Variants in EPC2 observed in about 807,000 individuals in gnomAD.
EPC2 encodes enhancer of polycomb homolog 2.
EPC2 carries 14 observed loss-of-function variants against 92.1 expected under a neutral mutation model. The observed-to-expected ratio is 0.15, with a 90% CI of 0.10 to 0.24. EPC2 has a LOEUF of 0.24. EPC2 is among the 10% of genes least tolerant of loss of function. The probability of loss-of-function intolerance (pLI) is 1.00; values close to 1 mark genes in which losing one functional copy is unlikely to be tolerated. For missense variants in EPC2, 755 were observed against 971.5 expected, an observed-to-expected ratio of 0.78 and a Z score of 2.96; for synonymous variants, 340 against 334.7, an observed-to-expected ratio of 1.02 and a Z score of -0.17.
chr2:148,759,515 A>ATAAAG (rs1683259969), intron 4 of EPC2, among the ~76,000 whole-genome samples: 1 of 152,252 alleles, frequency 6.6e-6, no homozygotes, highest in South Asian at 2.1e-4. Context: ...GTTTATATGT[A>ATAAAG]TAAAGAAATT....
chr2:148,650,965 T>G (rs1294942186), intron 1 of EPC2, among the ~76,000 whole-genome samples: 1 of 152,168 alleles, frequency 6.6e-6, no homozygotes, highest in African/African-American at 2.4e-5. Context: ...TCATAGAACT[T>G]AAATGAACCA....
At chr2:148,665,907 A>G (rs570586046) in intron 1 of EPC2, among the ~76,000 whole-genome samples, 41 of 152,304 alleles carry the variant, frequency 2.7e-4, no homozygotes, top group African/African-American at 9.6e-4. Context: ...TAGGTGATAA[A>G]TGTCTTTAAA....
At chr2:148,671,287 A>ATTTTTTTTTTTTTTTTTTTTTTTT (rs60048357) in intron 1 of EPC2, among the ~76,000 whole-genome samples, 1 of 127,092 alleles carries the variant, frequency 7.9e-6, no homozygotes, top group Non-Finnish European at 1.7e-5. Flanking sequence ...GTGGATTGTG[A>ATTTTTTTTTTTTTTTTTTTTTTTT]TTTTTTTTTT....
intron 4 of EPC2, among the ~76,000 whole-genome samples, chr2:148,757,003 C>G (rs1683202405): frequency 6.6e-6 from 1 of 152,086 alleles, no homozygotes; most frequent in South Asian, 2.1e-4. Flanking sequence ...GTAAAGGGGG[C>G]AAGTGGATTT....
intron 11 of EPC2, among the ~76,000 whole-genome samples, chr2:148,783,245 C>G (rs1351319328): frequency 6.6e-6 from 1 of 152,210 alleles, no homozygotes; most frequent in Admixed American, 6.5e-5. Context: ...TAGGTTTTCA[C>G]ATTGTGACAA....
intron 2 of EPC2, among the ~76,000 whole-genome samples, chr2:148,698,882 T>C (rs1381728327): frequency 6.6e-6 from 1 of 151,586 alleles, no homozygotes; most frequent in Non-Finnish European, 1.5e-5. Context: ...TGTATGTGTT[T>C]GTGGCTTTCG....
chr2:148,754,532 A>G (rs1339092840), intron 4 of EPC2, among the ~76,000 whole-genome samples: 1 of 152,182 alleles, frequency 6.6e-6, no homozygotes, highest in African/African-American at 2.4e-5. Flanking sequence ...GGAAGCTGAT[A>G]ACTTGAAATA....
chr2:148,652,916 G>A (rs1432609140), intron 1 of EPC2, among the ~76,000 whole-genome samples: 1 of 152,158 alleles, frequency 6.6e-6, no homozygotes, highest in Admixed American at 6.6e-5. Context: ...ATTGCTGTAA[G>A]TATTCTGAAG....
intron 2 of EPC2, among the ~76,000 whole-genome samples, chr2:148,718,875 A>T (rs559057994): frequency 6.6e-4 from 101 of 152,286 alleles, no homozygotes; most frequent in African/African-American, 2.3e-3. Flanking sequence ...CAGGTACCTC[A>T]GTCAGTCGTA....
chr2:148,679,908 A>G (rs756449017), intron 1 of EPC2, among the ~76,000 whole-genome samples: 1 of 152,054 alleles, frequency 6.6e-6, no homozygotes, highest in Non-Finnish European at 1.5e-5. Flanking sequence ...TTGCCTCCCA[A>G]AGTGTTGGGA....
chr2:148,703,437 G>A (rs1681927722), intron 2 of EPC2, among the ~76,000 whole-genome samples: 1 of 18,988 alleles, frequency 5.3e-5, no homozygotes, highest in East Asian at 3.0e-3. Flanking sequence ...AGAATCACCT[G>A]TTTGGTTTTT....
intron 2 of EPC2, among the ~76,000 whole-genome samples, chr2:148,723,010 C>G (rs901002134): frequency 6.6e-6 from 1 of 152,116 alleles, no homozygotes; most frequent in Non-Finnish European, 1.5e-5. Context: ...ACAAGAGACA[C>G]TGGGACCTCC....
intron 8 of EPC2, among the ~76,000 whole-genome samples, chr2:148,769,518 T>G (rs1318195906): frequency 6.6e-6 from 1 of 152,182 alleles, no homozygotes; most frequent in African/African-American, 2.4e-5. Flanking sequence ...AATTACTCAG[T>G]GTGTCATTAC....
intron 10 of EPC2, among the ~76,000 whole-genome samples, chr2:148,776,030 C>T (rs1160184606): frequency 6.6e-6 from 1 of 152,078 alleles, no homozygotes; most frequent in Non-Finnish European, 1.5e-5. Context: ...ATCCGCCCGC[C>T]TTGGCCTCCC....
intron 4 of EPC2, 85 bp downstream of exon 4, chr2:148,754,218 A>T (rs1370974583): frequency 6.5e-6 from 7 of 1,072,260 alleles, no homozygotes; most frequent in Non-Finnish European, 9.3e-6. Context: ...GAATAATTTT[A>T]ACATAATGGT....
At chr2:148,766,154 A>G (rs1423002460) in intron 7 of EPC2, among the ~76,000 whole-genome samples, 1 of 152,246 alleles carries the variant, frequency 6.6e-6, no homozygotes, top group Non-Finnish European at 1.5e-5. Context: ...AAATACTGTA[A>G]CAAAGACCTT....
intron 1 of EPC2, among the ~76,000 whole-genome samples, chr2:148,685,335 TTCTG>T (rs1681493129): frequency 1.3e-5 from 2 of 152,238 alleles, no homozygotes; most frequent in East Asian, 1.9e-4. Flanking sequence ...CTTTGTTTTC[TTCTG>T]TCTATGGTTT....
At chr2:148,654,683 AAG>A (rs895792109) in intron 1 of EPC2, among the ~76,000 whole-genome samples, 4 of 152,056 alleles carry the variant, frequency 2.6e-5, no homozygotes, top group Non-Finnish European at 5.9e-5. Flanking sequence ...AACAAACAAA[AAG>A]AGAGAGCGCT....
intron 7 of EPC2, among the ~76,000 whole-genome samples, chr2:148,766,966 T>C (rs1171062383): frequency 1.3e-5 from 2 of 152,128 alleles, no homozygotes; most frequent in African/African-American, 4.8e-5. Flanking sequence ...GGTGGATTGC[T>C]TGAGCCCAGG....
Sources: allele counts gnomAD v4.1 joint callset (sites outside exome capture counted in the v4.1 genomes callset), GRCh38; gene constraint gnomAD v4.1.1; transcripts MANE v1.5; gene names NCBI Gene and HGNC (gene_info 2026-07-23, HGNC 2026-07-21).